The following PACSIN2 variants were observed in gnomAD, a reference collection of about 807,000 sequenced individuals.
PACSIN2 encodes protein kinase C and casein kinase substrate in neurons 2, also known as protein kinase C and casein kinase substrate in neurons protein 2.
PACSIN2 carries 25 observed loss-of-function variants against 63.8 expected under a neutral mutation model. The observed-to-expected ratio is 0.39, with a 90% CI of 0.29 to 0.55. The LOEUF is 0.55. Ranked by LOEUF, PACSIN2 falls within the 20% of genes least tolerant of loss-of-function variation. The pLI is 0.62. For synonymous variants in PACSIN2, 255 were observed against 256.2 expected, an observed-to-expected ratio of 1.00 and a Z score of 0.05; for missense variants, 518 against 646.9, an observed-to-expected ratio of 0.80 and a Z score of 2.16.
chr22:42,939,713 C>G (rs945283552), intron 1 of PACSIN2, among the ~76,000 whole-genome samples: 3 of 152,228 alleles, frequency 2.0e-5, no homozygotes, highest in African/African-American at 7.2e-5. Context: ...TACAGTCTGC[C>G]TAACTCTATG....
chr22:42,948,203 G>A (rs1050409583), intron 1 of PACSIN2, among the ~76,000 whole-genome samples: 8 of 152,196 alleles, frequency 5.3e-5, no homozygotes, highest in African/African-American at 1.9e-4. Flanking sequence ...GGAAGCTGCT[G>A]TGGCTGTGAA....
chr22:42,898,260 A>G (rs1185077632), intron 2 of PACSIN2, among the ~76,000 whole-genome samples: 1 of 148,486 alleles, frequency 6.7e-6, no homozygotes, highest in East Asian at 1.9e-4. Context: ...CTTGGGAAAG[A>G]GAACCTCCTT....
At chr22:43,003,682 A>C (rs149213489) in intron 1 of PACSIN2, among the ~76,000 whole-genome samples, 1 of 152,342 alleles carries the variant, frequency 6.6e-6, no homozygotes, top group East Asian at 1.9e-4. Flanking sequence ...ACGTTGACAA[A>C]ATGTGAAGAC....
intron 1 of PACSIN2, among the ~76,000 whole-genome samples, chr22:42,970,658 A>T (rs957508039): frequency 6.6e-6 from 1 of 152,262 alleles, no homozygotes; most frequent in Non-Finnish European, 1.5e-5. Context: ...AAAAGGAGTC[A>T]GGGACAATGT....
intron 1 of PACSIN2, among the ~76,000 whole-genome samples, chr22:42,997,829 T>C (rs1923515175): frequency 1.3e-5 from 2 of 152,162 alleles, no homozygotes; most frequent in Non-Finnish European, 2.9e-5. Flanking sequence ...TGCAGTGAGC[T>C]GAGATCACAC....
intron 1 of PACSIN2, among the ~76,000 whole-genome samples, chr22:42,912,668 C>A (rs1038576827): frequency 2.6e-5 from 4 of 152,222 alleles, no homozygotes; most frequent in African/African-American, 9.6e-5. Flanking sequence ...TTCTGAATAA[C>A]AGACTCAGCA....
At chr22:42,989,862 A>G (rs1474092759) in intron 1 of PACSIN2, among the ~76,000 whole-genome samples, 1 of 75,356 alleles carries the variant, frequency 1.3e-5, no homozygotes, top group Non-Finnish European at 2.3e-5. Context: ...GGAGGGGGAA[A>G]AAAAAATATA....
At chr22:42,889,790 T>C (rs568868349) in intron 4 of PACSIN2, among the ~76,000 whole-genome samples, 67 of 152,220 alleles carry the variant, frequency 4.4e-4, no homozygotes, top group African/African-American at 1.6e-3. Flanking sequence ...TAGCCAAGGC[T>C]CGACAAAACT....
intron 1 of PACSIN2, among the ~76,000 whole-genome samples, chr22:42,992,076 C>T (rs1179943577): frequency 1.3e-5 from 2 of 152,122 alleles, no homozygotes; most frequent in African/African-American, 4.8e-5. Context: ...AAAAGACAGC[C>T]TCAGACAGGG....
intron 1 of PACSIN2, among the ~76,000 whole-genome samples, chr22:42,961,261 C>T (rs778314092): frequency 2.6e-5 from 4 of 152,262 alleles, no homozygotes; most frequent in Middle Eastern, 3.4e-3. Flanking sequence ...TAACACAAAA[C>T]GAAGTAGGTT....
At chr22:42,979,081 C>T (rs1228763358) in intron 1 of PACSIN2, among the ~76,000 whole-genome samples, 1 of 152,178 alleles carries the variant, frequency 6.6e-6, no homozygotes, top group African/African-American at 2.4e-5. Context: ...AACAGGGGTA[C>T]TACAAAGCTC....
chr22:42,980,450 T>C (rs956734691), intron 1 of PACSIN2, among the ~76,000 whole-genome samples: 1 of 149,356 alleles, frequency 6.7e-6, no homozygotes, highest in Non-Finnish European at 1.5e-5. Flanking sequence ...AGACCCTCCC[T>C]CAAAAAAACA....
rs768483566 is a variant in PACSIN2 at position 43,012,281 on chromosome 22, T to C, written c.-78+2740A>G. ...TGAGGAGGCTGAGGCAGAGGAATCA[T>C]TTGAACCTGGGCAGAGACTCTCTCT... On this transcript the variant is annotated intron_variant, in intron 1 of 10. Transcript: ENST00000263246. 1.3e-4 allele frequency among the ~76,000 whole-genome samples: 20 copies of C among 148,668 alleles called. No individual in the cohort carries two copies. The East Asian group carries it at 2.0e-3, about 15-fold the overall frequency.
At chr22:42,899,433 G>C (rs1217903921) in intron 2 of PACSIN2, among the ~76,000 whole-genome samples, 1 of 152,126 alleles carries the variant, frequency 6.6e-6, no homozygotes, top group African/African-American at 2.4e-5. Context: ...GATGACAGCA[G>C]GCAGAGCACA....
chr22:42,977,048 C>G (rs1921754315), intron 1 of PACSIN2, among the ~76,000 whole-genome samples: 1 of 152,018 alleles, frequency 6.6e-6, no homozygotes, highest in Non-Finnish European at 1.5e-5. Context: ...GATTTAGAAA[C>G]CTACTTTAAA....
intron 1 of PACSIN2, chr22:42,946,989 A>T (rs1392474408): frequency 2.0e-5 from 3 of 152,244 alleles, no homozygotes; most frequent in Non-Finnish European, 4.4e-5. Flanking sequence ...CCACGGCCAC[A>T]TACTTCCCGA....
chr22:42,884,406 T>G lies in PACSIN2; in HGVS notation c.765A>C (p.Leu255=). The G allele has an allele frequency of 6.2e-7, 1 of 1,614,208 alleles. No individual in the cohort carries two copies. ...REVLLEVQKH[L]DLSNVAGYKA... ...CTTACCCAGCCACATTGGACAGGTC[T>G]AGGTGCTTCTGAACCTCCAGCAGAA... Residue 255 remains leucine (L), a synonymous_variant, in exon 6 of 11, where the codon CTA becomes CTC. Transcript: ENST00000263246.
intron 1 of PACSIN2, among the ~76,000 whole-genome samples, chr22:42,967,603 A>T (rs1347559127): frequency 6.6e-6 from 1 of 152,206 alleles, no homozygotes; most frequent in Non-Finnish European, 1.5e-5. Flanking sequence ...AAACCCTGCA[A>T]ATGGGCCGGG....
chr22:42,976,462 C>CTCGGGGTTCACA (rs56276598), intron 1 of PACSIN2, among the ~76,000 whole-genome samples: 2 of 151,910 alleles, frequency 1.3e-5, no homozygotes, highest in South Asian at 4.1e-4. Flanking sequence ...ACAGGATCAT[C>CTCGGGGTTCACA]GATTTGAGGC....
Sources: allele counts gnomAD v4.1 joint callset (sites outside exome capture counted in the v4.1 genomes callset), GRCh38; gene constraint gnomAD v4.1.1; transcripts MANE v1.5; gene names NCBI Gene and HGNC (gene_info 2026-07-23, HGNC 2026-07-21).